Variants in FAM131B observed in about 807,000 individuals in gnomAD.
FAM131B encodes protein FAM131B.
Under a neutral mutation model 42.0 loss-of-function variants are expected in FAM131B, and 19 were observed. The ratio of observed to expected loss-of-function variants is 0.45; its 90% CI spans 0.32 to 0.66. FAM131B has a LOEUF of 0.66. Among genes scored for constraint, FAM131B ranks in the 30% least tolerant of loss-of-function variants. The pLI is 0.05. For missense variants in FAM131B, 370 were observed against 468.4 expected, an observed-to-expected ratio of 0.79 and a Z score of 1.94; for synonymous variants, 183 against 177.6, an observed-to-expected ratio of 1.03 and a Z score of -0.24.
chr7:143,381,510 G>C, the FAM131B span: 1 of 1,545,516 alleles, frequency 6.5e-7, no homozygotes, highest in African/African-American at 1.4e-5. Flanking sequence ...ACCGCCTGGG[G>C]CTCCTGAGCC....
At chr7:143,370,557 G>A in the FAM131B span, among the ~76,000 whole-genome samples, 1 of 152,160 alleles carries the variant, frequency 6.6e-6, no homozygotes, top group Non-Finnish European at 1.5e-5. Flanking sequence ...ACTAAAACCC[G>A]CCAAAACCGA....
In FAM131B at chr7:143,354,346, C is replaced by CG. The variant is rs1160128325; in HGVS notation, c.*2203dup. 6.6e-6 allele frequency: 1 copy of CG among 152,194 alleles called. No homozygotes were observed. The highest frequency in any genetic ancestry group is 1.5e-5 in the Non-Finnish European group (1 of 68,062). The allele number at this position is 152,194 out of a possible 1,614,324, so 9.4% of individuals were successfully genotyped here. On this transcript the variant is annotated 3_prime_UTR_variant, in exon 7 of 7. Transcript: ENST00000443739. ...TGTGGTCTACCTTTCCTAACTCCCC[C>CG]GGGCCTGAGCAAAAACGAACTGTAA...
rs1339425965 is a variant in FAM131B at position 143,353,406 on chromosome 7, C to T, written c.*3144G>A. On this transcript the variant is annotated 3_prime_UTR_variant, in exon 7 of 7. Transcript: ENST00000443739. ...GACACTCACAGTCAGAGGATGCCAC[C>T]ACATTCTGTTTAGTGTCATTGAACA... The T allele has an allele frequency of 6.6e-6, 1 of 152,126 alleles. No individual in the cohort carries two copies. The highest frequency in any genetic ancestry group is 2.4e-5 in the African/African-American group (1 of 41,358). The allele number at this position is 152,126 out of a possible 1,614,324, so 9.4% of individuals were successfully genotyped here.
At chr7:143,378,957 C>T in the FAM131B span, among the ~76,000 whole-genome samples, 1 of 152,216 alleles carries the variant, frequency 6.6e-6, no homozygotes, top group African/African-American at 2.4e-5. Flanking sequence ...CTGGGATACT[C>T]TGGGTGTTTC....
chr7:143,376,070 C>G, the FAM131B span, among the ~76,000 whole-genome samples: 1 of 152,164 alleles, frequency 6.6e-6, no homozygotes, highest in Non-Finnish European at 1.5e-5. Flanking sequence ...TGAGGGGACT[C>G]CTGCCTTCTC....
the FAM131B span, among the ~76,000 whole-genome samples, chr7:143,371,854 T>G: frequency 6.6e-6 from 1 of 152,120 alleles, no homozygotes; most frequent in African/African-American, 2.4e-5. Flanking sequence ...CCTTACACAT[T>G]GGAGGAACAG....
In FAM131B at chr7:143,362,623, C is replaced by A. The variant is rs1045888313; in HGVS notation, c.-20G>T. On this transcript the variant is annotated 5_prime_UTR_variant, in exon 1 of 7. Transcript: ENST00000443739. This position sits in a 1 kb window ranked among gnomAD's most constrained non-coding sequence, Gnocchi z 7.7. ...GCCCATGGCTCCGGGGGCCGCAGAGCCGGGCCCTCACCGACTCGGGGCGCG... is the reference window on the plus strand; with the variant it reads ...GCCCATGGCTCCGGGGGCCGCAGAGACGGGCCCTCACCGACTCGGGGCGCG... 435 of 1,209,584 alleles carry A rather than the reference C, an allele frequency of 3.6e-4. No individual in the cohort carries two copies. The highest frequency in any genetic ancestry group is 2.9e-4 in the Non-Finnish European group (281 of 973,214). The allele number at this position is 1,209,584 out of a possible 1,614,324, so 74.9% of individuals were successfully genotyped here. A position where few individuals can be genotyped will look rare whatever the true frequency, so the allele number is the denominator to read the frequency against.
rs1470208826 is a variant in FAM131B at position 143,362,026 on chromosome 7, C to G, written c.28+550G>C. 3.1e-6 allele frequency: 3 copies of G among 982,594 alleles called. No homozygotes were observed. In the East Asian group the frequency reaches 3.4e-4, roughly 112 times the overall value. 60.9% of individuals were successfully genotyped at this position (982,594 alleles called of 1,614,324 possible). ...AGAGGGAAAACGCACGTGAACAAAG[C>G]GAATCGGAGGAGGCAGGAACGACAG... On this transcript the variant is annotated intron_variant, in intron 1 of 6. Transcript: ENST00000443739. The surrounding 1 kb of genome is among the most constrained non-coding windows in gnomAD (Gnocchi z 7.7).
the FAM131B span, chr7:143,380,488 C>T: frequency 1.0e-6 from 1 of 985,434 alleles, no homozygotes; most frequent in African/African-American, 1.7e-5. This position sits in a 1 kb window ranked among gnomAD's most constrained non-coding sequence, Gnocchi z 5.0. Flanking sequence ...CCGTAAAAGA[C>T]GAGCAGCCCG....
rs1563096152 is a variant in FAM131B at position 143,358,934 on chromosome 7, C to T, written c.359G>A (p.Gly120Glu). 6.2e-7 allele frequency: 1 copy of T among 1,614,006 alleles called. No homozygotes were observed. Among genetic ancestry groups the T allele is most frequent in the Admixed American group, 1.7e-5 (1 of 60,018 alleles). Residue 120 changes from glycine to glutamate, a missense_variant, in exon 5 of 7, where the codon GGG (glycine) becomes GAG (glutamate). Physicochemically the swap from Gly to Glu is moderately conservative, Grantham distance 98. Coordinates refer to ENST00000443739, the MANE Select transcript of FAM131B (RefSeq NM_001031690.3). The surrounding 1 kb of genome is among the most constrained non-coding windows in gnomAD (Gnocchi z 4.7). ...VAHMIEWQGW[G>E]KTPAVQPQHS... ...TTGTGGCTGAACAGCTGGTGTCTTCCCCCAGCCCTGCCACTCAATCATGTG... is the reference window on the plus strand; with the variant it reads ...TTGTGGCTGAACAGCTGGTGTCTTCTCCCAGCCCTGCCACTCAATCATGTG...
chr7:143,365,500 G>A (rs552159812), upstream of FAM131B, among the ~76,000 whole-genome samples: 34 of 152,290 alleles, frequency 2.2e-4, no homozygotes, highest in African/African-American at 7.7e-4. Flanking sequence ...TATTCTTCTT[G>A]CATTGCAGTT....
At chr7:143,363,298 T>G (rs1453691657), upstream of FAM131B, among the ~76,000 whole-genome samples, 2 of 152,096 alleles carry the variant, frequency 1.3e-5, no homozygotes, top group East Asian at 3.9e-4. Flanking sequence ...CACTTCTCTG[T>G]GCTCGCTGGA....
chr7:143,381,401 C>T, the FAM131B span: 22 of 1,198,042 alleles, frequency 1.8e-5, no homozygotes, highest in Non-Finnish European at 2.3e-5. Context: ...GCGCACGCTC[C>T]GGCCTGCGGT....
chr7:143,374,125 A>G, the FAM131B span, among the ~76,000 whole-genome samples: 1 of 151,930 alleles, frequency 6.6e-6, no homozygotes, highest in African/African-American at 2.4e-5. Context: ...TGCTATTTGG[A>G]GGTAGATGAC....
At chr7:143,381,566 C>T in the FAM131B span, 18 of 1,609,312 alleles carry the variant, frequency 1.1e-5, no homozygotes, top group Non-Finnish European at 1.5e-5. Context: ...GCAGCCCGGC[C>T]CGGCCATGGC....
chr7:143,357,022 T>C lies in FAM131B; in HGVS notation c.611A>G (p.Asp204Gly). 6.2e-7 allele frequency: 1 copy of C among 1,607,534 alleles called. No individual in the cohort carries two copies. The highest frequency in any genetic ancestry group is 8.5e-7 in the Non-Finnish European group (1 of 1,174,646). Residue 204 changes from aspartate to glycine, a missense_variant and splice_region_variant, in exon 7 of 7, where the codon GAT (aspartate) becomes GGT (glycine). Coordinates refer to ENST00000443739, the MANE Select transcript of FAM131B (RefSeq NM_001031690.3). ...DNYQELMDSQ[D>G]ALAQAPMDGW... Reference sequence around the variant, plus strand: ...ATCCATGGGTGCTTGAGCCAGGGCATCTGGAAAAAGAATCATGGAGGTCAG... The same window carrying C: ...ATCCATGGGTGCTTGAGCCAGGGCACCTGGAAAAAGAATCATGGAGGTCAG...
upstream of FAM131B, among the ~76,000 whole-genome samples, chr7:143,363,519 AAG>A (rs1232895554): frequency 6.6e-6 from 1 of 152,188 alleles, no homozygotes; most frequent in Non-Finnish European, 1.5e-5. Context: ...CGAAGCAGCA[AAG>A]AGAGAGAAAG....
rs371590026 is a variant in FAM131B at position 143,360,049 on chromosome 7, T to C, written c.129A>G (p.Pro43=). The C allele has an allele frequency of 4.3e-5, 70 of 1,612,498 alleles. No homozygotes were observed. Among genetic ancestry groups the C allele is most frequent in the Non-Finnish European group, 5.5e-5 (65 of 1,178,814 alleles). ...CTGAGTGAGGTCTCACCTCAGTCGATGGCCGATGGAGGCTGCTCCCGTGCA... is the reference window on the plus strand; with the variant it reads ...CTGAGTGAGGTCTCACCTCAGTCGACGGCCGATGGAGGCTGCTCCCGTGCA... The part of the protein sequence containing the change: ...SSLHGSSLHR[P]STEQTRTDFS... The change falls in exon 2 of 7, where the codon CCA becomes CCG. Residue 43 remains proline, a synonymous_variant. Coordinates refer to ENST00000443739, the MANE Select transcript of FAM131B (RefSeq NM_001031690.3).
intron 1 of FAM131B, chr7:143,360,383 T>C: frequency 7.2e-7 from 1 of 1,387,802 alleles, no homozygotes; most frequent in South Asian, 1.5e-5. Context: ...TATTTGTTGT[T>C]GTTTATGTGG....
Sources: gnomAD v4.1 joint callset for allele counts (sites outside exome capture counted in the v4.1 genomes callset) on GRCh38, gnomAD v4.1.1 for gene constraint, Gnocchi (gnomAD v3.1) non-coding constraint, MANE v1.5 for transcripts, NCBI Gene and HGNC (gene_info 2026-07-23, HGNC 2026-07-21) for gene names.